Variants in ZC3H4 observed in about 807,000 individuals in gnomAD.
ZC3H4 encodes the protein zinc finger CCCH-type containing 4.
A neutral mutation model predicts 108.3 loss-of-function variants in ZC3H4; 13 were observed. The ratio of observed to expected loss-of-function variants is 0.12; its 90% CI spans 0.08 to 0.19. The LOEUF is 0.19. ZC3H4 is among the 10% of genes least tolerant of loss of function. The pLI is 1.00. For missense variants in ZC3H4, 1,734 were observed against 1,838.8 expected (o/e 0.94, Z 1.04); for synonymous variants, 917 against 749.6 (o/e 1.22, Z -3.65).
intron 2 of ZC3H4, among the ~76,000 whole-genome samples, chr19:47,102,256 T>G (rs1204732918): frequency 6.6e-6 from 1 of 152,056 alleles, no homozygotes; most frequent in African/African-American, 2.4e-5. Flanking sequence ...AGAAACTAAG[T>G]CCAGTACTTT....
At chr19:47,109,980 C>A (rs1003017765) in intron 2 of ZC3H4, among the ~76,000 whole-genome samples, 1 of 152,046 alleles carries the variant, frequency 6.6e-6, no homozygotes, top group African/African-American at 2.4e-5. Context: ...GGAGGTGTTC[C>A]CTCCAACATG....
intron 2 of ZC3H4, chr19:47,112,175 G>A: frequency 8.4e-7 from 1 of 1,183,942 alleles, no homozygotes; most frequent in Non-Finnish European, 1.0e-6. Flanking sequence ...GCCCAAAAAA[G>A]ACAGAGCGAG....
At chr19:47,112,682 T>C (rs2058056099) in intron 1 of ZC3H4, 93 bp from the exon 2 acceptor site, 1 of 709,374 alleles carries the variant, frequency 1.4e-6, no homozygotes, top group Non-Finnish European at 2.0e-6. Flanking sequence ...CTGATGGGAA[T>C]GGGGTATATA....
At chr19:47,105,329 G>A (rs566143280) in intron 2 of ZC3H4, among the ~76,000 whole-genome samples, 16 of 152,252 alleles carry the variant, frequency 1.1e-4, no homozygotes, top group Middle Eastern at 3.4e-3. Flanking sequence ...GGCCAGGCGC[G>A]GTGGCTCATA....
chr19:47,072,836 G>T lies in ZC3H4; in HGVS notation c.1441-123C>A. ...AATACAAGGACCTTGAGATCTAAAG[G>T]CATAAAGACCACAATGGCTCTGTAA... On this transcript the variant is annotated intron_variant, in intron 11 of 14. Transcript: ENST00000253048. This position sits in a 1 kb window ranked among gnomAD's most constrained non-coding sequence, Gnocchi z 5.6. 8.9e-7 allele frequency: 1 copy of T among 1,123,854 alleles called. No individual in the cohort carries two copies. Among genetic ancestry groups the T allele is most frequent in the Non-Finnish European group, 1.3e-6 (1 of 799,508 alleles). The allele number at this position is 1,123,854 out of a possible 1,614,324, so 69.6% of individuals were successfully genotyped here.
intron 2 of ZC3H4, chr19:47,112,013 G>T: frequency 1.7e-6 from 1 of 598,362 alleles, no homozygotes; most frequent in Non-Finnish European, 2.1e-6. Flanking sequence ...CAGGCGACGG[G>T]CAAGCGGGCC....
Position 47,071,907 on chromosome 19 carries a change from G to A in ZC3H4, c.2017C>T (p.Pro673Ser). The change falls in exon 13 of 15, where the codon CCC becomes TCC. Residue 673 changes from proline (P) to serine (S), a missense_variant. Pro to Ser is a moderately conservative substitution (Grantham distance 74). This residue lies in a region of ZC3H4 where 540 missense variants were observed against 484.1 expected (regional missense o/e 1.12). Coordinates refer to ENST00000253048, the MANE Select transcript of ZC3H4 (RefSeq NM_015168.2). ...PMGPGGPPMM[P>S]YGPGDSPHSG... Reference sequence around the variant, plus strand: ...TGTGGGGAGTCTCCAGGGCCGTAGGGCATCATTGGAGGGCCGCCAGGGCCC... The same window carrying A: ...TGTGGGGAGTCTCCAGGGCCGTAGGACATCATTGGAGGGCCGCCAGGGCCC... 1 of 1,612,432 alleles carries A rather than the reference G, an allele frequency of 6.2e-7. No homozygotes were observed. Among genetic ancestry groups the A allele is most frequent in the Non-Finnish European group, 8.5e-7 (1 of 1,179,226 alleles).
chr19:47,066,984 G>A lies in ZC3H4; in HGVS notation c.3284C>T (p.Ala1095Val), dbSNP rs772503483. ...PTDSTASSRA[A>V]KPGPAEAPSP... ...GGGCGCCTCAGCAGGGCCGGGCTTG[G>A]CAGCCCGGGAGGAGGCCGTAGAGTC... is the stretch of plus-strand genomic sequence containing the variant. The change falls in exon 15 of 15, where the codon GCC becomes GTC. Residue 1095 changes from alanine (A) to valine (V), a missense_variant. By Grantham distance (64) the Ala-to-Val change is moderately conservative. This residue lies in a region of ZC3H4 where 518 missense variants were observed against 499.6 expected (regional missense o/e 1.04). Coordinates refer to ENST00000253048, the MANE Select transcript of ZC3H4 (RefSeq NM_015168.2). 53 of 1,589,108 alleles carry A rather than the reference G, an allele frequency of 3.3e-5. No individual in the cohort carries two copies. The highest frequency in any genetic ancestry group is 4.5e-5 in the Non-Finnish European group (53 of 1,167,880).
chr19:47,105,324 G>C (rs2057954624), intron 2 of ZC3H4, among the ~76,000 whole-genome samples: 1 of 152,182 alleles, frequency 6.6e-6, no homozygotes, highest in African/African-American at 2.4e-5. Context: ...CTACTGGCCA[G>C]GCGCGGTGGC....
intron 2 of ZC3H4, among the ~76,000 whole-genome samples, chr19:47,110,374 A>C (rs918410686): frequency 6.6e-6 from 1 of 152,220 alleles, no homozygotes; most frequent in Non-Finnish European, 1.5e-5. Context: ...CAAGGGTCTG[A>C]AAACATACGG....
Position 47,071,773 on chromosome 19 carries a change from C to G in ZC3H4, c.2146+5G>C. ...CCAGGCAGCCACACCTGGAGTCCCGCATACCTGCATCCCCCAGGAGTCCGG... is the reference window on the plus strand; with the variant it reads ...CCAGGCAGCCACACCTGGAGTCCCGGATACCTGCATCCCCCAGGAGTCCGG... On this transcript the variant is annotated splice_donor_5th_base_variant and intron_variant, in intron 13 of 14. Coordinates refer to ENST00000253048, the MANE Select transcript of ZC3H4 (RefSeq NM_015168.2). 1 of 1,600,062 alleles carries G rather than the reference C, an allele frequency of 6.2e-7. No homozygotes were observed. The highest frequency in any genetic ancestry group is 8.5e-7 in the Non-Finnish European group (1 of 1,174,168).
At chr19:47,082,635 C>G (rs768601595) in intron 9 of ZC3H4, among the ~76,000 whole-genome samples, 1 of 152,160 alleles carries the variant, frequency 6.6e-6, no homozygotes, top group African/African-American at 2.4e-5. Context: ...TAAAGAAAAG[C>G]CTTTTGTCCA....
intron 8 of ZC3H4, 87 bp downstream of exon 8, chr19:47,084,969 T>C (rs934368121): frequency 6.4e-7 from 1 of 1,555,096 alleles, no homozygotes; most frequent in African/African-American, 1.4e-5. Flanking sequence ...GCAGCAAGGA[T>C]CAGCTTCACA....
In ZC3H4 at chr19:47,085,186, C is replaced by T. The variant is rs2057596254; in HGVS notation, c.977G>A (p.Arg326Gln). 5 of 1,611,282 alleles carry T rather than the reference C, an allele frequency of 3.1e-6. No homozygotes were observed. The highest frequency in any genetic ancestry group is 2.2e-5 in the South Asian group (2 of 91,010). ...ACCTCGGGAGCCCCTGCCACGGCCT[C>T]GACTTAGCCCTGTGGAGGGGAGATT... ...SKDSRGRGLSRGRGRGSRGRG... is the reference protein window; with the variant it reads ...SKDSRGRGLSQGRGRGSRGRG... Residue 326 changes from arginine to glutamine, a missense_variant, in exon 8 of 15, where the codon CGA (arginine) becomes CAA (glutamine). Physicochemically the swap from Arg to Gln is conservative, Grantham distance 43. Around this residue, in one of 9 missense-constraint regions of ZC3H4, gnomAD observed 403 missense variants for 457.0 expected, o/e 0.88. Transcript: ENST00000253048.
chr19:47,100,895 G>A (rs1600103162), intron 2 of ZC3H4, among the ~76,000 whole-genome samples: 1 of 151,808 alleles, frequency 6.6e-6, no homozygotes, highest in South Asian at 2.1e-4. Flanking sequence ...ACAGGGTTTC[G>A]CCATGTTGGC....
chr19:47,070,479 TAG>T (rs2057306412), intron 13 of ZC3H4, among the ~76,000 whole-genome samples: 1 of 152,142 alleles, frequency 6.6e-6, no homozygotes, highest in African/African-American at 2.4e-5. Context: ...GGGATTATTC[TAG>T]AGACACCTAC....
At chr19:47,080,215 G>A (rs949551108) in intron 11 of ZC3H4, among the ~76,000 whole-genome samples, 1 of 152,194 alleles carries the variant, frequency 6.6e-6, no homozygotes, top group Non-Finnish European at 1.5e-5. Context: ...TCACTCCCCA[G>A]ATGAATCAGG....
rs542351743 is a variant in ZC3H4 at position 47,110,661 on chromosome 19, T to TAC, written c.161+1761_161+1762dup. ...TACCATCCCAACCCATTGTAAGACA[T>TAC]ACACTTCTGACATAAGAGAACTCCT... On this transcript the variant is annotated intron_variant, in intron 2 of 14. Coordinates refer to ENST00000253048, the MANE Select transcript of ZC3H4 (RefSeq NM_015168.2). Among the ~76,000 whole-genome samples the TAC allele has an allele frequency of 8.3e-4, 126 of 152,272 alleles. 1 individual carries two copies. The highest frequency in any genetic ancestry group is 2.8e-3 in the African/African-American group (115 of 41,558).
chr19:47,100,083 G>A (rs1348565625), intron 2 of ZC3H4, among the ~76,000 whole-genome samples: 1 of 152,174 alleles, frequency 6.6e-6, no homozygotes, highest in Non-Finnish European at 1.5e-5. Flanking sequence ...CAGCCTAAAT[G>A]CAGAAGTCCA....
Sources: gnomAD v4.1 joint callset for allele counts (sites outside exome capture counted in the v4.1 genomes callset) on GRCh38, gnomAD v4.1.1 for gene constraint, gnomAD v4.1.1 regional missense constraint, Gnocchi (gnomAD v3.1) non-coding constraint, MANE v1.5 for transcripts, NCBI Gene and HGNC (gene_info 2026-07-23, HGNC 2026-07-21) for gene names.